Variants in PIEZO2 observed in about 807,000 individuals in gnomAD.
PIEZO2 encodes the protein piezo-type mechanosensitive ion channel component 2.
Under a neutral mutation model 337.3 loss-of-function variants are expected in PIEZO2, and 172 were observed. That is an observed-to-expected ratio of 0.51 (90% CI 0.45 to 0.58). The LOEUF (loss-of-function observed/expected upper bound fraction) is 0.58, where lower values mean the gene tolerates loss of function less well. Ranked by LOEUF, PIEZO2 falls within the 20% of genes least tolerant of loss-of-function variation. The probability of loss-of-function intolerance (pLI) is 0.00; values close to 1 mark genes in which losing one functional copy is unlikely to be tolerated. For synonymous variants in PIEZO2, 1,251 were observed against 1,228.5 expected (o/e 1.02, Z -0.38); for missense variants, 3,028 against 3,391.3 (o/e 0.89, Z 2.66).
rs1161796751 is a variant in PIEZO2 at position 10,828,387 on chromosome 18, T to C, written c.918-21113A>G. ...ACCTCTTCAGAATGAGAAATGGAGC[T>C]GCTGCCCTGAAGAAATTCCTATTTT... is the stretch of plus-strand genomic sequence containing the variant. On this transcript the variant is annotated intron_variant, in intron 7 of 55. Transcript: ENST00000674853. This position sits in a 1 kb window ranked among gnomAD's most constrained non-coding sequence, Gnocchi z 4.1. Among the ~76,000 whole-genome samples, 1 of 152,190 alleles carries C rather than the reference T, an allele frequency of 6.6e-6. No homozygotes were observed. Among genetic ancestry groups the C allele is most frequent in the Non-Finnish European group, 1.5e-5 (1 of 68,028 alleles).
At chr18:10,955,591 T>C (rs761091748) in intron 3 of PIEZO2, among the ~76,000 whole-genome samples, 2 of 152,216 alleles carry the variant, frequency 1.3e-5, no homozygotes, top group Non-Finnish European at 2.9e-5. Context: ...GAGGAAGATA[T>C]CTGCTGAAAC....
In PIEZO2 at chr18:10,903,159, C is replaced by G. The variant is rs1193081329; in HGVS notation, c.329+8027G>C. Among the ~76,000 whole-genome samples, 1 of 152,156 alleles carries G rather than the reference C, an allele frequency of 6.6e-6. No homozygotes were observed. Among genetic ancestry groups the G allele is most frequent in the Non-Finnish European group, 1.5e-5 (1 of 68,036 alleles). ...AGTTGTAACTTCGAATTCTACTTAC[C>G]TAAAATGCGTTTGGCATACATCTGC... On this transcript the variant is annotated intron_variant, in intron 4 of 55. Coordinates refer to ENST00000674853, the MANE Select transcript of PIEZO2 (RefSeq NM_001378183.1). The surrounding 1 kb of genome is among the most constrained non-coding windows in gnomAD (Gnocchi z 4.1).
Position 11,148,565 on chromosome 18 carries a change from C to G in PIEZO2, c.24G>C (p.Gly8=), listed in dbSNP as rs909653986. The G allele has an allele frequency of 2.6e-6, 4 of 1,537,082 alleles. No homozygotes were observed. Among genetic ancestry groups the G allele is most frequent in the Non-Finnish European group, 3.5e-6 (4 of 1,146,916 alleles). ...TGGGCAGCAGCAGCCTGAAGATGAG[C>G]CCGCACACCACTTCTGAGGCCATCG... The part of the protein sequence containing the change: MASEVVC[G]LIFRLLLPIC... The change falls in exon 1 of 56, where the codon GGG becomes GGC. Residue 8 remains glycine, a synonymous_variant. Coordinates refer to ENST00000674853, the MANE Select transcript of PIEZO2 (RefSeq NM_001378183.1). The surrounding 1 kb of genome is among the most constrained non-coding windows in gnomAD (Gnocchi z 5.2).
intron 1 of PIEZO2, among the ~76,000 whole-genome samples, chr18:11,093,688 G>A (rs990922354): frequency 6.2e-5 from 9 of 145,760 alleles, no homozygotes; most frequent in Non-Finnish European, 1.2e-4. Context: ...CCGGGTTCAG[G>A]CCATTCTCCT....
Position 11,132,407 on chromosome 18 carries a change from T to C in PIEZO2, c.64+16118A>G, listed in dbSNP as rs1333407950. Reference sequence around the variant, plus strand: ...AGAACGGTGGAATGGCCTTTTGAAGTCACAATTACAATGCCAGCTAGGTAA... The same window carrying C: ...AGAACGGTGGAATGGCCTTTTGAAGCCACAATTACAATGCCAGCTAGGTAA... On this transcript the variant is annotated intron_variant, in intron 1 of 55. Coordinates refer to ENST00000674853, the MANE Select transcript of PIEZO2 (RefSeq NM_001378183.1). The surrounding 1 kb of genome is among the most constrained non-coding windows in gnomAD (Gnocchi z 4.7). Among the ~76,000 whole-genome samples the C allele has an allele frequency of 6.6e-6, 1 of 152,104 alleles. No homozygotes were observed. The highest frequency in any genetic ancestry group is 6.5e-5 in the Admixed American group (1 of 15,274).
In PIEZO2 at chr18:10,807,880, C is replaced by T. The variant is rs76488555; in HGVS notation, c.918-606G>A. 1.2e-3 allele frequency among the ~76,000 whole-genome samples: 186 copies of T among 152,188 alleles called. 3 individuals carry two copies. The highest frequency in any genetic ancestry group is 4.3e-3 in the African/African-American group (177 of 41,516). ...ACTAATCATTTTCTTTGAAATATGA[C>T]TTTGAGTCTGTTACATTTTGAAATG... On this transcript the variant is annotated intron_variant, in intron 7 of 55. Coordinates refer to ENST00000674853, the MANE Select transcript of PIEZO2 (RefSeq NM_001378183.1).
rs369114723 is a variant in PIEZO2, at chr18:11,001,371, G to C, written c.161-21711C>G. ...ACCACCGAAAAAGTTATTCCTCTAG[G>C]GAACTTCGAAGCAAACCAGTCACCC... is the stretch of plus-strand genomic sequence containing the variant. On this transcript the variant is annotated intron_variant, in intron 2 of 55. Transcript: ENST00000674853. This position sits in a 1 kb window ranked among gnomAD's most constrained non-coding sequence, Gnocchi z 5.3. Among the ~76,000 whole-genome samples, 67 of 152,102 alleles carry C rather than the reference G, an allele frequency of 4.4e-4. 3 individuals are homozygous for C. The South Asian group carries it at 0.014, about 31-fold the overall frequency.
At chr18:10,803,785 G>C in intron 9 of PIEZO2, 90 bp downstream of exon 9, 1 of 1,427,338 alleles carries the variant, frequency 7.0e-7, no homozygotes, top group Non-Finnish European at 9.3e-7. Flanking sequence ...AATATGATAT[G>C]ATATATATGA....
At chr18:11,072,127 C>T (rs1249632327) in intron 1 of PIEZO2, among the ~76,000 whole-genome samples, 1 of 152,164 alleles carries the variant, frequency 6.6e-6, no homozygotes, top group Non-Finnish European at 1.5e-5. Flanking sequence ...TCATCCAGCA[C>T]CCCTTGCATG....
chr18:10,840,152 T>C (rs948409864), intron 7 of PIEZO2, among the ~76,000 whole-genome samples: 5 of 152,240 alleles, frequency 3.3e-5, no homozygotes, highest in Admixed American at 1.3e-4. Flanking sequence ...TATTTTAATG[T>C]GTAACATGTA....
intron 27 of PIEZO2, among the ~76,000 whole-genome samples, chr18:10,756,887 T>C (rs1425599012): frequency 7.2e-6 from 1 of 139,684 alleles, no homozygotes; most frequent in East Asian, 2.2e-4. Flanking sequence ...GGAGGAAGGA[T>C]GCAGGATAAA....
At chr18:10,857,750 G>A (rs976024843) in intron 5 of PIEZO2, among the ~76,000 whole-genome samples, 1 of 152,166 alleles carries the variant, frequency 6.6e-6, no homozygotes, top group African/African-American at 2.4e-5. Flanking sequence ...GCTGCTTCCT[G>A]TCTCATCCTT....
At chr18:10,730,876 G>A (rs1303312971) in intron 36 of PIEZO2, among the ~76,000 whole-genome samples, 4 of 152,124 alleles carry the variant, frequency 2.6e-5, no homozygotes, top group African/African-American at 9.6e-5. Context: ...ACAGGCGTCC[G>A]CTACCACGCC....
In PIEZO2 at chr18:10,788,418, A is replaced by AAAAG. The variant is rs1217104785; in HGVS notation, c.2169+657_2169+660dup. Among the ~76,000 whole-genome samples, 12 of 132,920 alleles carry AAAAG rather than the reference A, an allele frequency of 9.0e-5. No individual in the cohort carries two copies. In the South Asian group the frequency reaches 2.4e-3, roughly 26 times the overall value. The allele number at this position is 132,920 out of a possible 152,430, so 87.2% of individuals were successfully genotyped here. ...AGCAAGACCCTGTCTCAAAAAAAAAAAAAGAAAGAAAGGAAGGAAGGAAGG... is the reference window on the plus strand; with the variant it reads ...AGCAAGACCCTGTCTCAAAAAAAAAAAAAGAAAGAAAGAAAGGAAGGAAGGAAGG... On this transcript the variant is annotated intron_variant, in intron 15 of 55. Transcript: ENST00000674853.
chr18:10,894,793 G>A lies in PIEZO2; in HGVS notation c.329+16393C>T, dbSNP rs1265622383. 6.6e-6 allele frequency: 1 copy of A among 152,188 alleles called. No homozygotes were observed. Among genetic ancestry groups the A allele is most frequent in the Non-Finnish European group, 1.5e-5 (1 of 68,054 alleles). 9.4% of individuals were successfully genotyped at this position (152,188 alleles called of 1,614,324 possible). ...CCTGCTCTAAAGCTTTTTAATAAAT[G>A]TTCACTCTTGCTCTAAATCTTGCCT... On this transcript the variant is annotated intron_variant, in intron 4 of 55. Transcript: ENST00000674853. The surrounding 1 kb of genome is among the most constrained non-coding windows in gnomAD (Gnocchi z 4.1).
intron 1 of PIEZO2, among the ~76,000 whole-genome samples, chr18:11,142,778 CAAAA>C (rs11290889): frequency 4.3e-5 from 5 of 116,158 alleles, no homozygotes; most frequent in Non-Finnish European, 7.0e-5. Context: ...GAGATTATCG[CAAAA>C]AAAAAAAAAA....
chr18:10,825,550 CT>C (rs57159292), intron 7 of PIEZO2, among the ~76,000 whole-genome samples: 179 of 113,818 alleles, frequency 1.6e-3, no homozygotes, highest in Admixed American at 2.9e-3. Flanking sequence ...TCCTTTCTTC[CT>C]TTTTTTTTTT....
chr18:10,855,254 C>T lies in PIEZO2; in HGVS notation c.917+99G>A, dbSNP rs543770836. 145 of 1,061,310 alleles carry T rather than the reference C, an allele frequency of 1.4e-4. No homozygotes were observed. The highest frequency in any genetic ancestry group is 1.8e-4 in the Non-Finnish European group (130 of 734,030). The allele number at this position is 1,061,310 out of a possible 1,614,324, so 65.7% of individuals were successfully genotyped here. ...CTTTGCTTAACACAGCAATTGCCTG[C>T]CATCAAGAATAACCCCTGTAAATTC... is the stretch of plus-strand genomic sequence containing the variant. On this transcript the variant is annotated intron_variant, in intron 7 of 55. Transcript: ENST00000674853. This position sits in a 1 kb window ranked among gnomAD's most constrained non-coding sequence, Gnocchi z 4.9.
rs748350755 is a variant in PIEZO2 at position 10,895,895 on chromosome 18, C to T, written c.329+15291G>A. ...CCAACATGGTGAAACCCTGTCTTTA[C>T]TAAAAATACAGAAAATTACCCGGGC... On this transcript the variant is annotated intron_variant, in intron 4 of 55. Coordinates refer to ENST00000674853, the MANE Select transcript of PIEZO2 (RefSeq NM_001378183.1). The surrounding 1 kb of genome is among the most constrained non-coding windows in gnomAD (Gnocchi z 4.8). Among the ~76,000 whole-genome samples, 6 of 151,884 alleles carry T rather than the reference C, an allele frequency of 4.0e-5. No individual in the cohort carries two copies. The highest frequency in any genetic ancestry group is 8.8e-5 in the Non-Finnish European group (6 of 67,980).
Sources: allele counts gnomAD v4.1 joint callset (sites outside exome capture counted in the v4.1 genomes callset), GRCh38; gene constraint gnomAD v4.1.1; non-coding constraint Gnocchi (gnomAD v3.1); transcripts MANE v1.5; gene names NCBI Gene and HGNC (gene_info 2026-07-23, HGNC 2026-07-21).